CDIN1: variants seen among roughly 807,000 people sequenced by gnomAD.
The protein encoded by CDIN1 is CDAN1-interacting nuclease 1.
In CDIN1, 33 loss-of-function variants were observed where a neutral mutation model predicts 45.3. That is an observed-to-expected ratio of 0.73 (90% confidence interval 0.55 to 0.97). The LOEUF (loss-of-function observed/expected upper bound fraction) is 0.97, where lower values mean the gene tolerates loss of function less well. CDIN1 is among the 50% of genes least tolerant of loss of function. CDIN1 has a pLI of 0.00. For synonymous variants in CDIN1, 118 were observed against 124.4 expected, an observed-to-expected ratio of 0.95 and a Z score of 0.34; for missense variants, 303 against 339.4, an observed-to-expected ratio of 0.89 and a Z score of 0.84.
intron 1 of CDIN1, among the ~76,000 whole-genome samples, chr15:36,594,144 A>G (rs2037710666): frequency 1.3e-5 from 2 of 152,178 alleles, no homozygotes; most frequent in African/African-American, 4.8e-5. Context: ...TCATTGTATC[A>G]TAGAGCCTAT....
At chr15:36,754,117 T>G (rs926447376) in intron 10 of CDIN1, among the ~76,000 whole-genome samples, 2 of 152,180 alleles carry the variant, frequency 1.3e-5, no homozygotes, top group Admixed American at 1.3e-4. Flanking sequence ...TGCATGTGTT[T>G]CTCTCTCCAT....
intron 1 of CDIN1, among the ~76,000 whole-genome samples, chr15:36,596,113 A>G (rs1344054051): frequency 2.0e-5 from 3 of 152,150 alleles, no homozygotes; most frequent in Non-Finnish European, 2.9e-5. Flanking sequence ...TGAAAAGGAA[A>G]CTCAAACAAA....
chr15:36,619,861 T>C (rs1161350517), intron 1 of CDIN1, among the ~76,000 whole-genome samples: 2 of 152,024 alleles, frequency 1.3e-5, no homozygotes, highest in Non-Finnish European at 2.9e-5. Context: ...TGAAGCAAAA[T>C]CTGTTGTCAT....
In CDIN1 at chr15:36,697,363, C is replaced by G. The variant is rs376753770; in HGVS notation, c.517C>G (p.Leu173Val). 6.6e-5 allele frequency: 107 copies of G among 1,612,216 alleles called. No individual in the cohort carries two copies. The highest frequency in any genetic ancestry group is 8.9e-5 in the Non-Finnish European group (105 of 1,179,234). Residue 173 changes from leucine (L) to valine (V), a missense_variant, in exon 8 of 11, where the codon CTT becomes GTT. Leu to Val is a conservative substitution (Grantham distance 32, BLOSUM62 1). Coordinates refer to ENST00000566621, the MANE Select transcript of CDIN1 (RefSeq NM_001321759.2). Reference protein sequence around the residue: ...HEHEVLLRDLLLEKNLSFLDE... With the variant: ...HEHEVLLRDLVLEKNLSFLDE... Reference sequence around the variant, plus strand: ...GCATGAGGTCCTGCTGAGAGACTTGCTTCTAGAGAAAAACCTGTCCTTCCT... The same window carrying G: ...GCATGAGGTCCTGCTGAGAGACTTGGTTCTAGAGAAAAACCTGTCCTTCCT...
Position 36,704,626 on chromosome 15 carries a change from G to C in CDIN1, c.545-4597G>C, listed in dbSNP as rs541556488. The C allele has an allele frequency of 7.3e-5, 11 of 150,482 alleles. No individual in the cohort carries two copies. In the South Asian group the frequency reaches 2.3e-3, roughly 32 times the overall value. The allele number at this position is 150,482 out of a possible 1,614,324, so 9.3% of individuals were successfully genotyped here. On this transcript the variant is annotated intron_variant, in intron 8 of 10. Coordinates refer to ENST00000566621, the MANE Select transcript of CDIN1 (RefSeq NM_001321759.2). ...TAGTTACTAGAGTAGAAAAAATATA[G>C]TTTTAATATGTATTGATACATGTCT...
At chr15:36,596,606 T>C (rs944291336) in intron 1 of CDIN1, among the ~76,000 whole-genome samples, 1 of 152,200 alleles carries the variant, frequency 6.6e-6, no homozygotes, top group Non-Finnish European at 1.5e-5. Flanking sequence ...GTATTTCTTA[T>C]GCTGTAATGT....
intron 10 of CDIN1, among the ~76,000 whole-genome samples, chr15:36,760,451 C>A (rs1172231929): frequency 6.6e-6 from 1 of 152,150 alleles, no homozygotes; most frequent in Non-Finnish European, 1.5e-5. Flanking sequence ...TGTCTAGTAA[C>A]CTAAAACAAA....
chr15:36,747,543 C>T (rs1229904118), intron 10 of CDIN1, among the ~76,000 whole-genome samples: 1 of 152,086 alleles, frequency 6.6e-6, no homozygotes, highest in African/African-American at 2.4e-5. Context: ...AAATCACAGA[C>T]TTAGTCTTCT....
intron 5 of CDIN1, among the ~76,000 whole-genome samples, chr15:36,673,252 A>G (rs2041518601): frequency 6.6e-6 from 1 of 152,142 alleles, no homozygotes; most frequent in Non-Finnish European, 1.5e-5. Flanking sequence ...TCCTACAAGT[A>G]GTCAATTCCT....
chr15:36,798,025 CAAAAAAAAAA>C (rs11307856), intron 10 of CDIN1, among the ~76,000 whole-genome samples: 1 of 93,590 alleles, frequency 1.1e-5, no homozygotes, highest in African/African-American at 4.3e-5. Flanking sequence ...GAGTTATTAG[CAAAAAAAAAA>C]AAAAAAAAAA....
chr15:36,603,276 C>G (rs1454781150), intron 1 of CDIN1, among the ~76,000 whole-genome samples: 1 of 152,180 alleles, frequency 6.6e-6, no homozygotes, highest in East Asian at 1.9e-4. Flanking sequence ...TAACCTGTTT[C>G]CGTTACCCGT....
intron 10 of CDIN1, among the ~76,000 whole-genome samples, chr15:36,775,400 C>G (rs765855291): frequency 2.0e-5 from 3 of 152,154 alleles, no homozygotes; most frequent in Non-Finnish European, 4.4e-5. Flanking sequence ...GGCTGTTAAC[C>G]AGAATTCTCG....
chr15:36,639,338 G>A (rs1703606192), intron 1 of CDIN1, among the ~76,000 whole-genome samples: 1 of 149,550 alleles, frequency 6.7e-6, no homozygotes, highest in Non-Finnish European at 1.5e-5. Flanking sequence ...CAGCGTGGTG[G>A]CTCACGCCTG....
chr15:36,589,511 C>CT (rs5811918), intron 1 of CDIN1, among the ~76,000 whole-genome samples: 25 of 145,444 alleles, frequency 1.7e-4, no homozygotes, highest in South Asian at 8.9e-4. Flanking sequence ...TTTCTTTTTT[C>CT]TTTTTTTTTT....
intron 5 of CDIN1, among the ~76,000 whole-genome samples, chr15:36,670,287 T>C (rs2041402979): frequency 6.6e-6 from 1 of 152,130 alleles, no homozygotes; most frequent in Non-Finnish European, 1.5e-5. Context: ...CCTTGTCTGC[T>C]ATTCATTTCA....
chr15:36,782,285 T>A (rs553539590), intron 10 of CDIN1, among the ~76,000 whole-genome samples: 1 of 152,318 alleles, frequency 6.6e-6, no homozygotes, highest in African/African-American at 2.4e-5. Context: ...GAGATGTGGC[T>A]GCTCCCAAAA....
intron 6 of CDIN1, 92 bp from the exon 7 acceptor site, chr15:36,692,034 G>A (rs954465492): frequency 4.9e-6 from 5 of 1,013,938 alleles, no homozygotes; most frequent in African/African-American, 1.7e-5. Flanking sequence ...GGGGGTGGGG[G>A]AAGAAAAGTA....
intron 5 of CDIN1, among the ~76,000 whole-genome samples, chr15:36,671,850 C>G (rs1398510029): frequency 1.3e-5 from 2 of 151,980 alleles, no homozygotes; most frequent in African/African-American, 4.8e-5. Flanking sequence ...GAAAATTGAG[C>G]CTTGTGTTGT....
intron 5 of CDIN1, among the ~76,000 whole-genome samples, chr15:36,682,750 A>G (rs546131638): frequency 2.0e-5 from 3 of 148,030 alleles, no homozygotes; most frequent in Non-Finnish European, 4.5e-5. Flanking sequence ...ATCCTAGGCA[A>G]CAGAGCAAGA....
Sources: gnomAD v4.1 joint callset for allele counts (sites outside exome capture counted in the v4.1 genomes callset) on GRCh38, gnomAD v4.1.1 for gene constraint, MANE v1.5 for transcripts, NCBI Gene and HGNC (gene_info 2026-07-23, HGNC 2026-07-21) for gene names.